Variants in CLVS1 observed in about 807,000 individuals in gnomAD.
The protein encoded by CLVS1 is clavesin 1, also known as clavesin-1.
A neutral mutation model predicts 33.1 loss-of-function variants in CLVS1; 10 were observed. The observed-to-expected ratio is 0.30, with a 90% confidence interval of 0.19 to 0.51. The LOEUF (loss-of-function observed/expected upper bound fraction) is 0.51, where lower values mean the gene tolerates loss of function less well. CLVS1 is among the 20% of genes least tolerant of loss of function. The probability of loss-of-function intolerance (pLI) is 0.97; values close to 1 mark genes in which losing one functional copy is unlikely to be tolerated. For missense variants in CLVS1, 343 were observed against 433.4 expected, an observed-to-expected ratio of 0.79 and a Z score of 1.85; for synonymous variants, 163 against 166.1, an observed-to-expected ratio of 0.98 and a Z score of 0.14.
chr8:61,473,144 G>A (rs1216512749), intron 5 of CLVS1, among the ~76,000 whole-genome samples: 1 of 151,940 alleles, frequency 6.6e-6, no homozygotes, highest in Non-Finnish European at 1.5e-5. Flanking sequence ...CTGAAAACTG[G>A]AATATGAGAA....
At chr8:61,165,745 C>A (rs977894466) in intron 2 of CLVS1, among the ~76,000 whole-genome samples, 5 of 152,332 alleles carry the variant, frequency 3.3e-5, no homozygotes, top group Non-Finnish European at 5.9e-5. Flanking sequence ...ACCTTGGGCA[C>A]ATGTTCTCAG....
intron 3 of CLVS1, among the ~76,000 whole-genome samples, chr8:61,412,732 A>C (rs1815280192): frequency 2.0e-5 from 3 of 152,222 alleles, no homozygotes; most frequent in Admixed American, 2.0e-4. Flanking sequence ...AGTTTAGCTA[A>C]GACTAAACCA....
chr8:61,488,672 A>T (rs1432657935), intron 5 of CLVS1, among the ~76,000 whole-genome samples: 3 of 152,188 alleles, frequency 2.0e-5, no homozygotes, highest in Non-Finnish European at 4.4e-5. Context: ...TTTATCTTTC[A>T]TGGCCCTGTG....
intron 3 of CLVS1, among the ~76,000 whole-genome samples, chr8:61,440,697 T>G (rs1032110405): frequency 2.0e-5 from 3 of 152,162 alleles, no homozygotes; most frequent in African/African-American, 7.2e-5. Flanking sequence ...TGCCAAAGAG[T>G]TAGAACTGTT....
intron 3 of CLVS1, among the ~76,000 whole-genome samples, chr8:61,402,722 A>G (rs912262686): frequency 6.6e-6 from 1 of 152,196 alleles, no homozygotes; most frequent in East Asian, 1.9e-4. Flanking sequence ...GTGCTCAAGG[A>G]ATTTGTAGTC....
At chr8:61,449,342 A>G (rs896738573) in intron 3 of CLVS1, among the ~76,000 whole-genome samples, 2 of 152,206 alleles carry the variant, frequency 1.3e-5, no homozygotes, top group Non-Finnish European at 2.9e-5. Flanking sequence ...TGGGGGAGGA[A>G]GTCCAGTTTA....
chr8:61,229,059 ACCTT>A (rs1808383390), intron 2 of CLVS1, among the ~76,000 whole-genome samples: 1 of 152,098 alleles, frequency 6.6e-6, no homozygotes, highest in Non-Finnish European at 1.5e-5. Context: ...CCCAACACTT[ACCTT>A]ACATCTTTTT....
chr8:61,034,880 A>T, the CLVS1 span, among the ~76,000 whole-genome samples: 1 of 152,124 alleles, frequency 6.6e-6, no homozygotes, highest in Non-Finnish European at 1.5e-5. Flanking sequence ...ACTATAATAA[A>T]CAACTTTCCC....
intron 2 of CLVS1, among the ~76,000 whole-genome samples, chr8:61,345,427 T>G (rs531563413): frequency 2.6e-5 from 4 of 152,186 alleles, no homozygotes; most frequent in African/African-American, 9.6e-5. Flanking sequence ...GACGCTCTGA[T>G]AGGCTGAAGG....
At chr8:61,266,919 T>C (rs1336332496) in intron 2 of CLVS1, among the ~76,000 whole-genome samples, 2 of 152,238 alleles carry the variant, frequency 1.3e-5, no homozygotes, top group Non-Finnish European at 2.9e-5. Flanking sequence ...TCAACCCGTA[T>C]GCCTGGTGAA....
At chr8:61,435,933 A>T (rs1438184842) in intron 3 of CLVS1, among the ~76,000 whole-genome samples, 1 of 152,240 alleles carries the variant, frequency 6.6e-6, no homozygotes, top group African/African-American at 2.4e-5. Flanking sequence ...AGAAAAAAAA[A>T]TTAGAATATA....
At chr8:61,023,395 C>G in the CLVS1 span, among the ~76,000 whole-genome samples, 2 of 152,212 alleles carry the variant, frequency 1.3e-5, no homozygotes, top group African/African-American at 2.4e-5. Context: ...GGCGACCATG[C>G]AGCGGCGTGC....
At chr8:61,446,191 C>T (rs1340370215) in intron 3 of CLVS1, among the ~76,000 whole-genome samples, 2 of 151,536 alleles carry the variant, frequency 1.3e-5, no homozygotes, top group Admixed American at 1.3e-4. Context: ...TCTTTTTATG[C>T]TTACTTTGGC....
chr8:61,342,198 G>A (rs1443391220), intron 2 of CLVS1, among the ~76,000 whole-genome samples: 1 of 152,126 alleles, frequency 6.6e-6, no homozygotes, highest in South Asian at 2.1e-4. Context: ...GCCTCACCCT[G>A]ACTCCATTCA....
chr8:61,168,467 T>C (rs1806925942), intron 2 of CLVS1, among the ~76,000 whole-genome samples: 1 of 151,992 alleles, frequency 6.6e-6, no homozygotes. Flanking sequence ...CTTGCTATGA[T>C]TTATCTTTGG....
chr8:61,186,650 A>G (rs1807349885), intron 2 of CLVS1, among the ~76,000 whole-genome samples: 1 of 152,168 alleles, frequency 6.6e-6, no homozygotes, highest in African/African-American at 2.4e-5. Flanking sequence ...GGAAAGAAAG[A>G]GAAGACAAAA....
intron 1 of CLVS1, among the ~76,000 whole-genome samples, chr8:61,290,789 T>C (rs1809959990): frequency 6.6e-6 from 1 of 152,216 alleles, no homozygotes; most frequent in Non-Finnish European, 1.5e-5. Context: ...CTTGACTATA[T>C]GCAATCAGTC....
the CLVS1 span, among the ~76,000 whole-genome samples, chr8:60,969,945 T>C: frequency 7.2e-5 from 11 of 152,216 alleles, no homozygotes; most frequent in African/African-American, 2.7e-4. Context: ...TACCATTTTA[T>C]ATAAGGGGCT....
At chr8:61,371,712 C>A (rs1167545079) in intron 2 of CLVS1, among the ~76,000 whole-genome samples, 1 of 152,156 alleles carries the variant, frequency 6.6e-6, no homozygotes, top group Non-Finnish European at 1.5e-5. Context: ...TTGGTAAGAA[C>A]TTACTAATTT....
Sources: gnomAD v4.1 joint callset for allele counts (sites outside exome capture counted in the v4.1 genomes callset) on GRCh38, gnomAD v4.1.1 for gene constraint, MANE v1.5 for transcripts, NCBI Gene and HGNC (gene_info 2026-07-23, HGNC 2026-07-21) for gene names.